The following MTA3 variants were observed in gnomAD, a reference collection of about 807,000 sequenced individuals.
MTA3 encodes the protein metastasis-associated protein MTA3.
In MTA3, 34 loss-of-function variants were observed where a neutral mutation model predicts 83.5. That is an observed-to-expected ratio of 0.41 (90% CI 0.31 to 0.54). The LOEUF is 0.54. MTA3 is among the 20% of genes least tolerant of loss of function. MTA3 has a pLI of 0.33. For synonymous variants in MTA3, 303 were observed against 252.7 expected (o/e 1.20, Z -1.89); for missense variants, 761 against 726.4 (o/e 1.05, Z -0.55).
At chr2:42,596,725 T>TG (rs1681829681) in intron 3 of MTA3, among the ~76,000 whole-genome samples, 1 of 152,216 alleles carries the variant, frequency 6.6e-6, no homozygotes, top group South Asian at 2.1e-4. Flanking sequence ...GAAAGCCTTG[T>TG]GTTAGCTTTA....
At chr2:42,724,940 T>G (rs912482295) in intron 16 of MTA3, among the ~76,000 whole-genome samples, 1 of 152,248 alleles carries the variant, frequency 6.6e-6, no homozygotes, top group African/African-American at 2.4e-5. Context: ...AATGAATCCT[T>G]GGTTTTCTGT....
At chr2:42,632,370 T>G (rs538056014) in intron 4 of MTA3, among the ~76,000 whole-genome samples, 195 of 152,076 alleles carry the variant, frequency 1.3e-3, no homozygotes, top group Admixed American at 2.8e-3. Context: ...GATTACAGGC[T>G]TGAGCCACCG....
intron 3 of MTA3, among the ~76,000 whole-genome samples, chr2:42,582,763 G>T (rs1026604586): frequency 6.6e-6 from 1 of 152,196 alleles, no homozygotes; most frequent in Non-Finnish European, 1.5e-5. Flanking sequence ...GATTGGGTAT[G>T]TAGAAAATTA....
intron 2 of MTA3, among the ~76,000 whole-genome samples, chr2:42,505,002 G>C (rs192316024): frequency 7.0e-4 from 107 of 152,114 alleles, no homozygotes; most frequent in African/African-American, 2.5e-3. Flanking sequence ...TGCTCTGTAC[G>C]ATGGCTAAGC....
chr2:42,724,915 A>T (rs1667707813), intron 16 of MTA3, among the ~76,000 whole-genome samples: 2 of 152,216 alleles, frequency 1.3e-5, no homozygotes, highest in African/African-American at 4.8e-5. Context: ...AACAGAAGGA[A>T]TGGACGGGGC....
chr2:42,499,307 A>T (rs1413375980), intron 2 of MTA3, among the ~76,000 whole-genome samples: 2 of 151,520 alleles, frequency 1.3e-5, no homozygotes, highest in Non-Finnish European at 2.9e-5. Flanking sequence ...AGCTGGGATT[A>T]CAGGCATGCA....
chr2:42,688,611 AGT>A (rs1366763415), intron 9 of MTA3, among the ~76,000 whole-genome samples: 2 of 126,512 alleles, frequency 1.6e-5, no homozygotes, highest in African/African-American at 6.6e-5. Flanking sequence ...TTTGCATTCA[AGT>A]GTTTTTTTTT....
intron 12 of MTA3, among the ~76,000 whole-genome samples, chr2:42,706,934 G>C (rs1666143419): frequency 6.6e-6 from 1 of 152,108 alleles, no homozygotes; most frequent in Admixed American, 6.6e-5. Flanking sequence ...ACAGATACCT[G>C]TTTGTTTCTT....
At chr2:42,664,877 CAAATCACCAATAATGT>C (rs1296874099) in intron 8 of MTA3, among the ~76,000 whole-genome samples, 2 of 152,120 alleles carry the variant, frequency 1.3e-5, no homozygotes, top group South Asian at 2.1e-4. Flanking sequence ...TGCTACTTGT[CAAATCACCAATAATGT>C]ATTGGGAGCA....
intron 4 of MTA3, among the ~76,000 whole-genome samples, chr2:42,623,050 A>C (rs1276418024): frequency 6.6e-6 from 1 of 152,218 alleles, no homozygotes; most frequent in Non-Finnish European, 1.5e-5. Context: ...GTAATGAGGA[A>C]AAGGTAGTTG....
intron 16 of MTA3, among the ~76,000 whole-genome samples, chr2:42,737,189 A>C (rs1573809922): frequency 6.6e-6 from 1 of 152,332 alleles, no homozygotes; most frequent in Admixed American, 6.5e-5. Flanking sequence ...CCAGCACAGC[A>C]CCAGGATTTG....
chr2:42,753,690 C>A lies in MTA3; in HGVS notation c.*291C>A. 7.9e-7 allele frequency: 1 copy of A among 1,264,898 alleles called. No homozygotes were observed. The highest frequency in any genetic ancestry group is 1.0e-6 in the Non-Finnish European group (1 of 995,286). 78.4% of individuals were successfully genotyped at this position (1,264,898 alleles called of 1,614,324 possible). The stretch of plus-strand genomic sequence containing the variant: ...CTGAGGGAACCCCTCCACCTCCTCC[C>A]TTCTGCAGCGCCCTGCGCCCCACCC... On this transcript the variant is annotated 3_prime_UTR_variant, in exon 17 of 17. Transcript: ENST00000405094.
chr2:42,707,774 C>A (rs1340256423), intron 12 of MTA3, 129 bp from the exon 13 acceptor site: 3 of 1,016,198 alleles, frequency 3.0e-6, no homozygotes, highest in Non-Finnish European at 4.2e-6. Context: ...TTATGTTTGG[C>A]TTGTAAGCTG....
chr2:42,676,977 T>C (rs1691420983), intron 8 of MTA3, among the ~76,000 whole-genome samples: 1 of 152,214 alleles, frequency 6.6e-6, no homozygotes, highest in African/African-American at 2.4e-5. Flanking sequence ...CAGTAGTCTT[T>C]CTTTTCCAAG....
intron 9 of MTA3, among the ~76,000 whole-genome samples, chr2:42,688,954 A>G (rs1207367782): frequency 3.9e-5 from 6 of 152,180 alleles, no homozygotes; most frequent in African/African-American, 1.2e-4. Flanking sequence ...TGTGAGATCA[A>G]CTGTAATTTG....
chr2:42,604,012 G>A (rs1194707384), intron 3 of MTA3, among the ~76,000 whole-genome samples: 1 of 152,316 alleles, frequency 6.6e-6, no homozygotes, highest in Non-Finnish European at 1.5e-5. Flanking sequence ...GTCTCCCAAC[G>A]TGCTGGGATT....
intron 6 of MTA3, among the ~76,000 whole-genome samples, chr2:42,652,306 A>G (rs181474804): frequency 2.0e-5 from 3 of 152,302 alleles, no homozygotes; most frequent in Admixed American, 2.0e-4. Flanking sequence ...AAGGGGCCTC[A>G]GAGAAATCCT....
intron 4 of MTA3, among the ~76,000 whole-genome samples, chr2:42,630,136 C>G (rs900061286): frequency 6.6e-6 from 1 of 152,182 alleles, no homozygotes; most frequent in Admixed American, 6.5e-5. Context: ...GAGATCCTGT[C>G]TATGGGAACA....
In MTA3 at chr2:42,667,420, C is replaced by A. The variant is rs559348965; in HGVS notation, c.702+7558C>A. On this transcript the variant is annotated intron_variant, in intron 8 of 16. Coordinates refer to ENST00000405094, the MANE Select transcript of MTA3 (RefSeq NM_001330442.2). ...AACTCTAACTCTCCATCCCCTCTGCCCTCTAGCCACTACCCTTCTACTTTT... is the reference window on the plus strand; with the variant it reads ...AACTCTAACTCTCCATCCCCTCTGCACTCTAGCCACTACCCTTCTACTTTT... 9.7e-4 allele frequency among the ~76,000 whole-genome samples: 148 copies of A among 152,198 alleles called. 1 individual carries two copies. The highest frequency in any genetic ancestry group is 1.6e-3 in the Non-Finnish European group (107 of 68,016).
Sources: gnomAD v4.1 joint callset for allele counts (sites outside exome capture counted in the v4.1 genomes callset) on GRCh38, gnomAD v4.1.1 for gene constraint, MANE v1.5 for transcripts, NCBI Gene and HGNC (gene_info 2026-07-23, HGNC 2026-07-21) for gene names.